Variants in BTRC observed in about 807,000 individuals in gnomAD.
BTRC encodes the protein beta-transducin repeat containing E3 ubiquitin protein ligase.
Under a neutral mutation model 85.5 loss-of-function variants are expected in BTRC, and 42 were observed. The ratio of observed to expected loss-of-function variants is 0.49; its 90% CI spans 0.38 to 0.64. The LOEUF is 0.64. Ranked by LOEUF, BTRC falls within the 30% of genes least tolerant of loss-of-function variation. The pLI is 0.00. For synonymous variants in BTRC, 255 were observed against 263.3 expected (o/e 0.97, Z 0.30); for missense variants, 594 against 743.5 (o/e 0.80, Z 2.34).
chr10:101,494,558 C>G (rs1249925190), intron 4 of BTRC, among the ~76,000 whole-genome samples: 1 of 152,140 alleles, frequency 6.6e-6, no homozygotes, highest in Non-Finnish European at 1.5e-5. Flanking sequence ...AATGAATTTA[C>G]TTTTAAGGTG....
At chr10:101,522,357 AAAAAAAAAAC>A (rs1329848393) in intron 5 of BTRC, among the ~76,000 whole-genome samples, 6 of 90,622 alleles carry the variant, frequency 6.6e-5, no homozygotes, top group South Asian at 6.6e-4. Context: ...AGCTTTAAAA[AAAAAAAAAAC>A]AAAAAAAAAC....
intron 2 of BTRC, among the ~76,000 whole-genome samples, chr10:101,431,494 A>G (rs1235969033): frequency 1.3e-5 from 2 of 152,220 alleles, no homozygotes; most frequent in Admixed American, 1.3e-4. Context: ...CTCATTGCTT[A>G]CAGATTAGGG....
At chr10:101,467,594 G>A (rs1368268371) in intron 3 of BTRC, among the ~76,000 whole-genome samples, 1 of 151,820 alleles carries the variant, frequency 6.6e-6, no homozygotes. Flanking sequence ...TTTGGGGTTT[G>A]CATTATTTCA....
intron 4 of BTRC, among the ~76,000 whole-genome samples, chr10:101,497,790 C>T (rs1051785396): frequency 1.1e-4 from 17 of 152,134 alleles, no homozygotes; most frequent in African/African-American, 2.9e-4. Flanking sequence ...GGGAGGCCAA[C>T]GCGGGCATGT....
rs1942393870 is a variant in BTRC at position 101,366,787 on chromosome 10, TATTTTTAC to T, written c.48+12564_48+12571del. 3.1e-5 allele frequency among the ~76,000 whole-genome samples: 3 copies of T among 97,566 alleles called. 1 individual carries two copies. The highest frequency in any genetic ancestry group is 3.5e-4 in the Admixed American group (2 of 5,718). The allele number at this position is 97,566 out of a possible 152,430, so 64.0% of individuals were successfully genotyped here. ...CTAGTTATATATATATATATATATA[TATTTTTAC>T]ATTTATATATATATTTATATATATT... On this transcript the variant is annotated intron_variant, in intron 1 of 14. Transcript: ENST00000370187.
intron 1 of BTRC, among the ~76,000 whole-genome samples, chr10:101,367,076 ATATATT>A (rs1564730965): frequency 1.4e-4 from 14 of 103,234 alleles, no homozygotes; most frequent in African/African-American, 5.1e-4. Flanking sequence ...ATATATATAT[ATATATT>A]TTTTTCGAGC....
At chr10:101,443,042 C>T (rs1430409761) in intron 2 of BTRC, among the ~76,000 whole-genome samples, 2 of 151,862 alleles carry the variant, frequency 1.3e-5, no homozygotes, top group Non-Finnish European at 2.9e-5. Flanking sequence ...CCACCATGCC[C>T]GGCTAATTTT....
At chr10:101,550,657 G>T in intron 13 of BTRC, 42 bp from the exon 14 acceptor site, 1 of 1,581,270 alleles carries the variant, frequency 6.3e-7, no homozygotes, top group South Asian at 1.1e-5. Context: ...TATTGATTTT[G>T]AGTAGTTCAA....
At chr10:101,455,859 T>A (rs568009922) in intron 2 of BTRC, among the ~76,000 whole-genome samples, 8 of 152,186 alleles carry the variant, frequency 5.3e-5, no homozygotes, top group Admixed American at 4.6e-4. Context: ...ATGATTCTAA[T>A]GGCCGGGCAT....
chr10:101,518,331 C>T (rs990373144), intron 4 of BTRC, among the ~76,000 whole-genome samples: 2 of 152,160 alleles, frequency 1.3e-5, no homozygotes, highest in South Asian at 2.1e-4. Context: ...TGGGTGTTTG[C>T]CCATGTGGCC....
intron 13 of BTRC, 103 bp downstream of exon 13, chr10:101,538,474 C>CAACTTAATTTACAACCTACAATTTAAT (rs2062419939): frequency 9.5e-7 from 1 of 1,053,006 alleles, no homozygotes; most frequent in Non-Finnish European, 1.5e-6. Context: ...GTTACAACCT[C>CAACTTAATTTACAACCTACAATTTAAT]ACAAAACCTA....
chr10:101,387,527 A>ATTTTTTTTTTTTTTTTTTTTTTT (rs1564741908), intron 1 of BTRC, among the ~76,000 whole-genome samples: 4 of 16,998 alleles, frequency 2.4e-4, no homozygotes, highest in African/African-American at 9.8e-4. Context: ...CCTTCATGGG[A>ATTTTTTTTTTTTTTTTTTTTTTT]CTTTTTTTTT....
At chr10:101,494,389 C>G (rs1433982958) in intron 4 of BTRC, among the ~76,000 whole-genome samples, 1 of 152,160 alleles carries the variant, frequency 6.6e-6, no homozygotes, top group Non-Finnish European at 1.5e-5. Context: ...AACCATTTCT[C>G]TAGGAAATTG....
chr10:101,481,486 CT>C (rs1204156957), intron 4 of BTRC, among the ~76,000 whole-genome samples: 2 of 151,594 alleles, frequency 1.3e-5, no homozygotes, highest in Non-Finnish European at 2.9e-5. Flanking sequence ...GCATCTGTTC[CT>C]TTTGTTTTCT....
At chr10:101,458,285 T>G (rs756165839) in intron 2 of BTRC, among the ~76,000 whole-genome samples, 7 of 152,170 alleles carry the variant, frequency 4.6e-5, no homozygotes, top group Non-Finnish European at 8.8e-5. Flanking sequence ...ACGATATAAT[T>G]CCATTTATAT....
chr10:101,375,804 C>T (rs1367842392), intron 1 of BTRC, among the ~76,000 whole-genome samples: 10 of 152,208 alleles, frequency 6.6e-5, no homozygotes, highest in Admixed American at 2.0e-4. Flanking sequence ...CCCCTCTTCC[C>T]TTTTACTTGG....
intron 1 of BTRC, among the ~76,000 whole-genome samples, chr10:101,387,187 C>G (rs1216574973): frequency 6.6e-6 from 1 of 151,584 alleles, no homozygotes; most frequent in Non-Finnish European, 1.5e-5. Context: ...CAAATCTTTT[C>G]TATTTTAAAA....
intron 2 of BTRC, among the ~76,000 whole-genome samples, chr10:101,456,980 A>C (rs1405923191): frequency 6.6e-6 from 1 of 152,210 alleles, no homozygotes; most frequent in Non-Finnish European, 1.5e-5. Flanking sequence ...TATGTTCCCC[A>C]GTGGATGCCT....
intron 1 of BTRC, among the ~76,000 whole-genome samples, chr10:101,404,736 C>T (rs1480120221): frequency 6.6e-6 from 1 of 152,122 alleles, no homozygotes; most frequent in Non-Finnish European, 1.5e-5. Flanking sequence ...CAGTGGCTCA[C>T]GCCTGTAATC....
Sources: gnomAD v4.1 joint callset for allele counts (sites outside exome capture counted in the v4.1 genomes callset) on GRCh38, gnomAD v4.1.1 for gene constraint, MANE v1.5 for transcripts, NCBI Gene and HGNC (gene_info 2026-07-23, HGNC 2026-07-21) for gene names.